The following METTL24 variants were observed in gnomAD, a reference collection of about 807,000 sequenced individuals.
METTL24 encodes the protein methyltransferase like 24.
A neutral mutation model predicts 32.7 loss-of-function variants in METTL24; 29 were observed. That is an observed-to-expected ratio of 0.89 (90% CI 0.66 to 1.21). The LOEUF is 1.21. Ranked by LOEUF, METTL24 falls within the 50% of genes most tolerant of loss-of-function variation. The pLI is 0.00. For missense variants in METTL24, 439 were observed against 468.1 expected (o/e 0.94, Z 0.57); for synonymous variants, 163 against 179.5 (o/e 0.91, Z 0.73).
At chr6:110,253,895 A>G in intron 4 of METTL24, 1 of 1,463,726 alleles carries the variant, frequency 6.8e-7, no homozygotes, top group Non-Finnish European at 9.1e-7. Flanking sequence ...AGTCCCTCAG[A>G]GCTTTCAGAA....
At chr6:110,303,838 A>C (rs1441265681) in intron 3 of METTL24, among the ~76,000 whole-genome samples, 1 of 152,220 alleles carries the variant, frequency 6.6e-6, no homozygotes, top group Non-Finnish European at 1.5e-5. Flanking sequence ...TGCCTCTGCA[A>C]GTGGGTACCT....
At chr6:110,337,406 T>C (rs1562241935) in intron 1 of METTL24, among the ~76,000 whole-genome samples, 3 of 152,112 alleles carry the variant, frequency 2.0e-5, no homozygotes, top group Non-Finnish European at 1.5e-5. Context: ...CCTTCACATG[T>C]ACCCTAGAAC....
At chr6:110,344,493 A>G (rs954438133) in intron 1 of METTL24, among the ~76,000 whole-genome samples, 6 of 152,230 alleles carry the variant, frequency 3.9e-5, no homozygotes, top group African/African-American at 1.4e-4. Context: ...ATTATTAATA[A>G]ATAGGTAGTT....
chr6:110,319,464 A>ATAGATAGATAGATGG (rs1562236286), intron 2 of METTL24, among the ~76,000 whole-genome samples: 8 of 118,560 alleles, frequency 6.7e-5, no homozygotes, highest in African/African-American at 2.6e-4. Context: ...TAGATAGATG[A>ATAGATAGATAGATGG]CAGACAGAAA....
At position 110,358,050 on chromosome 6, in the gene METTL24, A is replaced by G; in HGVS notation, c.223T>C (p.Tyr75His). The G allele has an allele frequency of 9.2e-7, 1 of 1,089,662 alleles. No homozygotes were observed. The highest frequency in any genetic ancestry group is 1.1e-6 in the Non-Finnish European group (1 of 898,694). 67.5% of individuals were successfully genotyped at this position (1,089,662 alleles called of 1,614,324 possible). The change falls in exon 1 of 5, where the codon TAC (tyrosine) becomes CAC (histidine). Residue 75 changes from tyrosine to histidine, a missense_variant. By Grantham distance (83) the Tyr-to-His change is moderately conservative. Coordinates refer to ENST00000338882, the MANE Select transcript of METTL24 (RefSeq NM_001123364.3). ...PRGASRRQVT[Y>H]VRSGRRAPPG... Reference sequence around the variant, plus strand: ...GGCGCCCGGCGACCGCTGCGCACGTAGGTCACCTGCCTCCTGCTGGCGCCG... The same window carrying G: ...GGCGCCCGGCGACCGCTGCGCACGTGGGTCACCTGCCTCCTGCTGGCGCCG...
chr6:110,283,764 T>C (rs774263138), intron 4 of METTL24, among the ~76,000 whole-genome samples: 8 of 152,196 alleles, frequency 5.3e-5, no homozygotes, highest in African/African-American at 9.6e-5. Context: ...AAAACAGTTA[T>C]GGTGGTTCCT....
chr6:110,259,449 A>T (rs1464422863), intron 4 of METTL24, among the ~76,000 whole-genome samples: 1 of 152,224 alleles, frequency 6.6e-6, no homozygotes, highest in Admixed American at 6.5e-5. Flanking sequence ...AAGCTTGAGT[A>T]GGTAAACAAA....
intron 4 of METTL24, among the ~76,000 whole-genome samples, chr6:110,251,208 A>G (rs954900527): frequency 6.6e-6 from 1 of 152,228 alleles, no homozygotes; most frequent in Non-Finnish European, 1.5e-5. Context: ...TCATGGCTAA[A>G]TTTGCAAACA....
chr6:110,316,449 T>C (rs1464690361), intron 2 of METTL24, among the ~76,000 whole-genome samples: 1 of 152,198 alleles, frequency 6.6e-6, no homozygotes, highest in Non-Finnish European at 1.5e-5. Context: ...CCCAATCCCT[T>C]AGAACTCTCA....
At chr6:110,258,597 G>T (rs767190187) in intron 4 of METTL24, among the ~76,000 whole-genome samples, 1 of 152,090 alleles carries the variant, frequency 6.6e-6, no homozygotes, top group Non-Finnish European at 1.5e-5. Flanking sequence ...TGGATAGGTG[G>T]ATGGTTAAAT....
chr6:110,278,466 C>A lies in METTL24; in HGVS notation c.786+20456G>T, dbSNP rs918223940. On this transcript the variant is annotated intron_variant, in intron 4 of 4. Coordinates refer to ENST00000338882, the MANE Select transcript of METTL24 (RefSeq NM_001123364.3). ...TTAATTTTTCTGTGAAATTTTAGAG[C>A]CTGGCTGTACTAGGCCTGAGACCAG... Among the ~76,000 whole-genome samples the A allele has an allele frequency of 1.1e-4, 17 of 152,094 alleles. 1 individual carries two copies. The highest frequency in any genetic ancestry group is 3.4e-4 in the African/African-American group (14 of 41,406).
intron 1 of METTL24, among the ~76,000 whole-genome samples, chr6:110,351,706 G>A (rs542619536): frequency 2.6e-5 from 4 of 152,304 alleles, no homozygotes; most frequent in East Asian, 1.9e-4. Flanking sequence ...TTGGGCAGGC[G>A]CCCTAGGCCT....
chr6:110,284,620 G>A (rs957990742), intron 4 of METTL24, among the ~76,000 whole-genome samples: 1 of 151,740 alleles, frequency 6.6e-6, no homozygotes, highest in African/African-American at 2.4e-5. Flanking sequence ...AAGAAGTGAA[G>A]GTTTCTTATT....
At chr6:110,278,144 A>C (rs1464789648) in intron 4 of METTL24, among the ~76,000 whole-genome samples, 1 of 152,206 alleles carries the variant, frequency 6.6e-6, no homozygotes, top group African/African-American at 2.4e-5. Context: ...TAATTCTTTC[A>C]GGCCAAGGTA....
intron 1 of METTL24, chr6:110,357,207 A>T (rs1265038271): frequency 6.6e-6 from 1 of 152,300 alleles, no homozygotes; most frequent in Non-Finnish European, 1.5e-5. Flanking sequence ...AGCTCCAAAA[A>T]GGAGATGAGC....
At chr6:110,346,659 C>T (rs1450473039) in intron 1 of METTL24, among the ~76,000 whole-genome samples, 1 of 152,280 alleles carries the variant, frequency 6.6e-6, no homozygotes, top group East Asian at 1.9e-4. Context: ...CATGTGCCAT[C>T]ACGCCCAGCT....
intron 4 of METTL24, among the ~76,000 whole-genome samples, chr6:110,284,725 T>C (rs1195704400): frequency 1.3e-5 from 2 of 152,202 alleles, no homozygotes; most frequent in Non-Finnish European, 2.9e-5. Flanking sequence ...ATAAATCTGG[T>C]ACTGTCTAGT....
At chr6:110,334,968 C>T (rs1267966372) in intron 1 of METTL24, among the ~76,000 whole-genome samples, 1 of 152,108 alleles carries the variant, frequency 6.6e-6, no homozygotes, top group Non-Finnish European at 1.5e-5. Context: ...GTTATAGTGG[C>T]TGACAAGTTA....
chr6:110,280,530 A>T (rs1582398520), intron 4 of METTL24, among the ~76,000 whole-genome samples: 1 of 152,174 alleles, frequency 6.6e-6, no homozygotes, highest in East Asian at 1.9e-4. Flanking sequence ...CTATGTAAAA[A>T]TGTTCAAGAT....
Sources: allele counts gnomAD v4.1 joint callset (sites outside exome capture counted in the v4.1 genomes callset), GRCh38; gene constraint gnomAD v4.1.1; transcripts MANE v1.5; gene names NCBI Gene and HGNC (gene_info 2026-07-23, HGNC 2026-07-21).